The following ZBTB8A variants were observed in gnomAD, a reference collection of about 807,000 sequenced individuals.
The protein encoded by ZBTB8A is zinc finger and BTB domain containing 8A, also known as zinc finger and BTB domain-containing protein 8A.
In ZBTB8A, 19 loss-of-function variants were observed where a neutral mutation model predicts 37.8. That is an observed-to-expected ratio of 0.50 (90% CI 0.35 to 0.74). The LOEUF is 0.74. Ranked by LOEUF, ZBTB8A falls within the 30% of genes least tolerant of loss-of-function variation. The probability of loss-of-function intolerance (pLI) is 0.01; values close to 1 mark genes in which losing one functional copy is unlikely to be tolerated. For synonymous variants in ZBTB8A, 181 were observed against 185.2 expected (o/e 0.98, Z 0.19); for missense variants, 394 against 537.8 (o/e 0.73, Z 2.65).
chr1:32,549,933 A>AT (rs1230232341), intron 1 of ZBTB8A, among the ~76,000 whole-genome samples: 2 of 152,348 alleles, frequency 1.3e-5, no homozygotes, highest in Non-Finnish European at 2.9e-5. Context: ...CAGAAGAAAG[A>AT]TGGTTCCCAC....
intron 4 of ZBTB8A, among the ~76,000 whole-genome samples, chr1:32,595,574 TG>T (rs1475707100): frequency 6.8e-6 from 1 of 147,536 alleles, no homozygotes; most frequent in African/African-American, 2.6e-5. Context: ...GGCCTTGTTT[TG>T]TTTTTTTTTT....
At chr1:32,551,648 G>A (rs899761906) in intron 1 of ZBTB8A, among the ~76,000 whole-genome samples, 5 of 152,178 alleles carry the variant, frequency 3.3e-5, no homozygotes, top group African/African-American at 4.8e-5. Flanking sequence ...GGCAGAGTTT[G>A]TGGTGAGCCA....
intron 2 of ZBTB8A, among the ~76,000 whole-genome samples, chr1:32,575,278 G>C (rs969647712): frequency 7.2e-6 from 1 of 139,648 alleles, no homozygotes; most frequent in South Asian, 2.3e-4. Context: ...CGAGGCTGGA[G>C]TGCAGTGGCA....
intron 2 of ZBTB8A, among the ~76,000 whole-genome samples, chr1:32,579,001 T>G (rs1006483304): frequency 2.0e-5 from 3 of 152,146 alleles, no homozygotes; most frequent in Non-Finnish European, 2.9e-5. Context: ...TCAGCTTGAT[T>G]TGGAGGCTTG....
In ZBTB8A at chr1:32,586,209, C is replaced by T. The variant is rs181873312; in HGVS notation, c.-1-6722C>T. 3.4e-4 allele frequency among the ~76,000 whole-genome samples: 52 copies of T among 151,916 alleles called. 1 individual carries two copies. The East Asian group carries it at 0.01, about 29-fold the overall frequency. On this transcript the variant is annotated intron_variant, in intron 2 of 4. Coordinates refer to ENST00000373510, the MANE Select transcript of ZBTB8A (RefSeq NM_001040441.3). ...TGGTGCATGCCTGTAATCCCAGCTA[C>T]TCAGGATGCTGAGGCAGGAGAATTG...
chr1:32,599,988 A>G (rs1484425836), intron 4 of ZBTB8A, 99 bp from the exon 5 acceptor site: 21 of 913,700 alleles, frequency 2.3e-5, no homozygotes, highest in Non-Finnish European at 3.3e-5. Context: ...AGTTTAATGC[A>G]TGGCTTTGAA....
In ZBTB8A at chr1:32,545,701, T is replaced by C. The variant is rs1644097890; in HGVS notation, c.-84+6129T>C. On this transcript the variant is annotated intron_variant, in intron 1 of 4. Coordinates refer to ENST00000373510, the MANE Select transcript of ZBTB8A (RefSeq NM_001040441.3). ...CTATAGCAAACTTCTTACCATCCCC[T>C]AGGAGGCCATGCTGTTTAATACGCT... Among the ~76,000 whole-genome samples the C allele has an allele frequency of 1.3e-5, 2 of 152,270 alleles. 1 individual carries two copies. Among genetic ancestry groups the C allele is most frequent in the Admixed American group, 1.3e-4 (2 of 15,286 alleles).
At chr1:32,571,270 T>C (rs1279485703) in intron 2 of ZBTB8A, among the ~76,000 whole-genome samples, 3 of 152,262 alleles carry the variant, frequency 2.0e-5, no homozygotes, top group Non-Finnish European at 4.4e-5. Flanking sequence ...ATCTTTGCCC[T>C]ATTCCCTGCC....
chr1:32,568,145 T>C (rs898574932), intron 2 of ZBTB8A, among the ~76,000 whole-genome samples: 7 of 152,128 alleles, frequency 4.6e-5, no homozygotes, highest in African/African-American at 1.7e-4. Flanking sequence ...CAAGACTCTG[T>C]CTAGAGAAAA....
In ZBTB8A at chr1:32,601,824, A is replaced by G. The variant is rs1429655854; in HGVS notation, c.*1405A>G. 1 of 396,628 alleles carries G rather than the reference A, an allele frequency of 2.5e-6. No homozygotes were observed. The highest frequency in any genetic ancestry group is 4.4e-6 in the Non-Finnish European group (1 of 225,396). 24.6% of individuals were successfully genotyped at this position (396,628 alleles called of 1,614,324 possible). ...GGAATTGAATCATTTTCAACAACAT[A>G]CAATATCTTGATCTAGAGATTTTCA... On this transcript the variant is annotated 3_prime_UTR_variant, in exon 5 of 5. Coordinates refer to ENST00000373510, the MANE Select transcript of ZBTB8A (RefSeq NM_001040441.3).
At chr1:32,549,641 A>G (rs1644135006) in intron 1 of ZBTB8A, among the ~76,000 whole-genome samples, 1 of 152,160 alleles carries the variant, frequency 6.6e-6, no homozygotes, top group Non-Finnish European at 1.5e-5. Context: ...AAGTGGGAGG[A>G]TCCCCTTGAG....
At chr1:32,563,859 A>G (rs1169493885) in intron 2 of ZBTB8A, among the ~76,000 whole-genome samples, 1 of 152,090 alleles carries the variant, frequency 6.6e-6, no homozygotes, top group Non-Finnish European at 1.5e-5. Context: ...AGGAAGCCCC[A>G]TCATAGAACC....
chr1:32,583,946 G>A (rs114189832), intron 2 of ZBTB8A, among the ~76,000 whole-genome samples: 5 of 152,194 alleles, frequency 3.3e-5, no homozygotes, highest in Non-Finnish European at 7.4e-5. Flanking sequence ...GTTTTACCAT[G>A]TTGAGCTTAC....
At chr1:32,599,408 G>A (rs2148255473) in intron 4 of ZBTB8A, among the ~76,000 whole-genome samples, 1 of 152,094 alleles carries the variant, frequency 6.6e-6, no homozygotes, top group Non-Finnish European at 1.5e-5. Context: ...GGGTGACAGA[G>A]CGAGACCCTA....
At chr1:32,551,719 A>G (rs1644158157) in intron 1 of ZBTB8A, among the ~76,000 whole-genome samples, 1 of 152,100 alleles carries the variant, frequency 6.6e-6, no homozygotes, top group African/African-American at 2.4e-5. Context: ...AAAAAAAAAT[A>G]AAAAGTTATT....
At chr1:32,550,989 C>T (rs939484588) in intron 1 of ZBTB8A, among the ~76,000 whole-genome samples, 1 of 150,878 alleles carries the variant, frequency 6.6e-6, no homozygotes, top group African/African-American at 2.4e-5. Context: ...CAAATTACCA[C>T]CGTACACACC....
intron 2 of ZBTB8A, among the ~76,000 whole-genome samples, chr1:32,568,254 C>T (rs1217434033): frequency 1.3e-5 from 2 of 152,114 alleles, no homozygotes; most frequent in Non-Finnish European, 2.9e-5. Context: ...ATAAATAATA[C>T]ATGAAACATT....
At chr1:32,584,029 A>G (rs1644427279) in intron 2 of ZBTB8A, among the ~76,000 whole-genome samples, 2 of 152,140 alleles carry the variant, frequency 1.3e-5, no homozygotes, top group African/African-American at 2.4e-5. Flanking sequence ...AAGTGCTGGG[A>G]TTACAGGTGT....
intron 2 of ZBTB8A, among the ~76,000 whole-genome samples, chr1:32,578,095 G>A (rs1044812010): frequency 2.0e-5 from 3 of 151,208 alleles, no homozygotes; most frequent in African/African-American, 7.3e-5. Context: ...TGTTTTTTGA[G>A]ATGGAGTCTT....
Sources: gnomAD v4.1 joint callset for allele counts (sites outside exome capture counted in the v4.1 genomes callset) on GRCh38, gnomAD v4.1.1 for gene constraint, MANE v1.5 for transcripts, NCBI Gene and HGNC (gene_info 2026-07-23, HGNC 2026-07-21) for gene names.